PLCB1: variants seen among roughly 807,000 people sequenced by gnomAD.
PLCB1 encodes 1-phosphatidylinositol 4,5-bisphosphate phosphodiesterase beta-1.
A neutral mutation model predicts 161.8 loss-of-function variants in PLCB1; 46 were observed. The ratio of observed to expected loss-of-function variants is 0.28; its 90% CI spans 0.22 to 0.36. The LOEUF (loss-of-function observed/expected upper bound fraction) is 0.36. PLCB1 is among the 10% of genes least tolerant of loss of function. PLCB1 has a pLI of 1.00. For missense variants in PLCB1, 1,016 were observed against 1,472.5 expected (o/e 0.69, Z 5.07); for synonymous variants, 517 against 503.7 (o/e 1.03, Z -0.35).
chr20:8,761,997 G>A (rs566279580), intron 25 of PLCB1, among the ~76,000 whole-genome samples: 52 of 149,404 alleles, frequency 3.5e-4, no homozygotes, highest in African/African-American at 1.2e-3. Flanking sequence ...GATCACCTGA[G>A]GTCGGGAGTT....
chr20:8,572,050 AT>A (rs1399483640), intron 3 of PLCB1, among the ~76,000 whole-genome samples: 2 of 152,236 alleles, frequency 1.3e-5, no homozygotes, highest in Admixed American at 1.3e-4. Flanking sequence ...AAAATTGTTT[AT>A]TACGAGTTTT....
intron 3 of PLCB1, among the ~76,000 whole-genome samples, chr20:8,556,188 G>A (rs913148366): frequency 6.6e-6 from 1 of 151,946 alleles, no homozygotes; most frequent in African/African-American, 2.4e-5. Context: ...CTCTCTATGG[G>A]TACCTGATTC....
intron 3 of PLCB1, among the ~76,000 whole-genome samples, chr20:8,518,653 A>G (rs954789892): frequency 2.0e-5 from 3 of 152,148 alleles, no homozygotes; most frequent in Non-Finnish European, 4.4e-5. Flanking sequence ...GATGGGTTTC[A>G]TGAAAGACAA....
chr20:8,233,493 T>G (rs1371394061), intron 2 of PLCB1, among the ~76,000 whole-genome samples: 1 of 152,180 alleles, frequency 6.6e-6, no homozygotes, highest in Non-Finnish European at 1.5e-5. Context: ...GCGGAAACCC[T>G]CTTTAGAAAT....
intron 2 of PLCB1, among the ~76,000 whole-genome samples, chr20:8,166,693 A>T (rs2051678955): frequency 6.6e-6 from 1 of 152,150 alleles, no homozygotes; most frequent in South Asian, 2.1e-4. Context: ...AGAGTGGCAC[A>T]GTCCTGAACC....
intron 2 of PLCB1, among the ~76,000 whole-genome samples, chr20:8,333,185 G>C (rs951187780): frequency 1.3e-5 from 2 of 152,146 alleles, no homozygotes; most frequent in Non-Finnish European, 2.9e-5. Context: ...AGATTATGGA[G>C]CCAAAGACAT....
rs144659085 is a variant in PLCB1 at position 8,856,130 on chromosome 20, A to G, written c.3424-25492A>G. On this transcript the variant is annotated intron_variant, in intron 31 of 31. Coordinates refer to ENST00000338037, the MANE Select transcript of PLCB1 (RefSeq NM_015192.4). Reference sequence around the variant, plus strand: ...GTAACAATGAATCTGAAACGTGTGCATGTATATATTCCTGTTTTTTATATT... The same window carrying G: ...GTAACAATGAATCTGAAACGTGTGCGTGTATATATTCCTGTTTTTTATATT... Among the ~76,000 whole-genome samples the G allele has an allele frequency of 7.6e-4, 99 of 130,604 alleles. 1 individual carries two copies. The highest frequency in any genetic ancestry group is 1.6e-4 in the Non-Finnish European group (10 of 61,406). 85.7% of individuals were successfully genotyped at this position (130,604 alleles called of 152,430 possible).
chr20:8,339,534 T>A (rs1985720013), intron 2 of PLCB1, among the ~76,000 whole-genome samples: 1 of 152,218 alleles, frequency 6.6e-6, no homozygotes, highest in African/African-American at 2.4e-5. Flanking sequence ...CCATGCAGAC[T>A]GGCTGTGTTA....
At chr20:8,464,365 C>G (rs982081433) in intron 3 of PLCB1, among the ~76,000 whole-genome samples, 1 of 152,084 alleles carries the variant, frequency 6.6e-6, no homozygotes, top group African/African-American at 2.4e-5. Context: ...CTTTGCCTCC[C>G]TCCCATTCAT....
intron 2 of PLCB1, among the ~76,000 whole-genome samples, chr20:8,200,114 C>G (rs143359382): frequency 1.8e-4 from 28 of 152,138 alleles, no homozygotes; most frequent in Non-Finnish European, 3.2e-4. Context: ...AATATCTTCT[C>G]CCTCTTGGAA....
intron 2 of PLCB1, among the ~76,000 whole-genome samples, chr20:8,216,943 A>G (rs527294649): frequency 3.3e-5 from 5 of 151,958 alleles, no homozygotes; most frequent in African/African-American, 4.8e-5. Flanking sequence ...GATACCTCCT[A>G]TTCTCCCCCT....
At chr20:8,224,367 A>G (rs1979567555) in intron 2 of PLCB1, among the ~76,000 whole-genome samples, 1 of 129,280 alleles carries the variant, frequency 7.7e-6, no homozygotes, top group Admixed American at 8.0e-5. Flanking sequence ...GAGAATAGAC[A>G]AGACCTAAAC....
At chr20:8,494,394 T>A (rs1983072973) in intron 3 of PLCB1, among the ~76,000 whole-genome samples, 1 of 152,190 alleles carries the variant, frequency 6.6e-6, no homozygotes. Context: ...TAATCATGTA[T>A]TCGAGATAAG....
At chr20:8,258,287 AG>A (rs1981525607) in intron 2 of PLCB1, among the ~76,000 whole-genome samples, 1 of 152,194 alleles carries the variant, frequency 6.6e-6, no homozygotes, top group African/African-American at 2.4e-5. Flanking sequence ...TATGCCACAA[AG>A]AAAAGAAAGT....
intron 9 of PLCB1, among the ~76,000 whole-genome samples, chr20:8,672,986 C>A (rs953367178): frequency 6.6e-6 from 1 of 151,978 alleles, no homozygotes; most frequent in Non-Finnish European, 1.5e-5. Context: ...GTGATGCGCG[C>A]CTGTAATCCC....
chr20:8,179,846 C>CTT lies in PLCB1; in HGVS notation c.177+29504_177+29505dup, dbSNP rs35174594. On this transcript the variant is annotated intron_variant, in intron 2 of 31. Coordinates refer to ENST00000338037, the MANE Select transcript of PLCB1 (RefSeq NM_015192.4). ...CCTTCAATGCCTAGTTTGTTGAGGGCTTTTTTTTTTTTTTTTTTTTTTTTT... is the reference window on the plus strand; with the variant it reads ...CCTTCAATGCCTAGTTTGTTGAGGGCTTTTTTTTTTTTTTTTTTTTTTTTTTT... Among the ~76,000 whole-genome samples the CTT allele has an allele frequency of 2.6e-3, 186 of 71,428 alleles. 32 individuals carry two copies. Among genetic ancestry groups the CTT allele is most frequent in the East Asian group, 0.012 (26 of 2,202 alleles). The allele number at this position is 71,428 out of a possible 152,430, so 46.9% of individuals were successfully genotyped here. A position where few individuals can be genotyped will look rare whatever the true frequency, so the allele number is the denominator to read the frequency against.
At chr20:8,575,436 A>G (rs1376380598) in intron 3 of PLCB1, among the ~76,000 whole-genome samples, 1 of 152,108 alleles carries the variant, frequency 6.6e-6, no homozygotes, top group African/African-American at 2.4e-5. Flanking sequence ...AGCCCATATG[A>G]CTCTTGCATT....
intron 2 of PLCB1, among the ~76,000 whole-genome samples, chr20:8,346,082 TC>T (rs1985992114): frequency 6.6e-6 from 1 of 152,182 alleles, no homozygotes; most frequent in African/African-American, 2.4e-5. Context: ...GTACCAGATT[TC>T]TATCGTGTTT....
chr20:8,229,572 A>G (rs1374323726), intron 2 of PLCB1, among the ~76,000 whole-genome samples: 1 of 152,218 alleles, frequency 6.6e-6, no homozygotes, highest in Non-Finnish European at 1.5e-5. Flanking sequence ...TTCAGTAGCC[A>G]TGTATGGCTA....
Sources: allele counts gnomAD v4.1 joint callset (sites outside exome capture counted in the v4.1 genomes callset), GRCh38; gene constraint gnomAD v4.1.1; transcripts MANE v1.5; gene names NCBI Gene and HGNC (gene_info 2026-07-23, HGNC 2026-07-21).